Variants in ZBTB7C observed in about 807,000 individuals in gnomAD.
ZBTB7C encodes the protein zinc finger and BTB domain-containing protein 7C.
In ZBTB7C, 8 loss-of-function variants were observed where a neutral mutation model predicts 25.7. The observed-to-expected ratio is 0.31, with a 90% CI of 0.18 to 0.56. The LOEUF (loss-of-function observed/expected upper bound fraction) is 0.56. Ranked by LOEUF, ZBTB7C falls within the 20% of genes least tolerant of loss-of-function variation. ZBTB7C has a pLI of 0.91. For synonymous variants in ZBTB7C, 394 were observed against 369.0 expected (o/e 1.07, Z -0.78); for missense variants, 824 against 855.2 (o/e 0.96, Z 0.46).
chr18:48,281,545 T>G (rs964178107), intron 2 of ZBTB7C, among the ~76,000 whole-genome samples: 8 of 152,034 alleles, frequency 5.3e-5, no homozygotes, highest in African/African-American at 1.9e-4. Context: ...GGGAGAAAAT[T>G]TTTGCAACCT....
chr18:48,293,355 T>A (rs1199777636), intron 2 of ZBTB7C, among the ~76,000 whole-genome samples: 1 of 152,248 alleles, frequency 6.6e-6, no homozygotes, highest in African/African-American at 2.4e-5. Flanking sequence ...CATCTGACTC[T>A]ATTCACCTCT....
At chr18:48,391,318 T>A (rs2047898729) in intron 1 of ZBTB7C, among the ~76,000 whole-genome samples, 1 of 152,188 alleles carries the variant, frequency 6.6e-6, no homozygotes, top group African/African-American at 2.4e-5. Flanking sequence ...CATGAAGTTG[T>A]CAATGTTACT....
intron 3 of ZBTB7C, among the ~76,000 whole-genome samples, chr18:48,145,287 C>G (rs1318268076): frequency 6.6e-6 from 1 of 152,192 alleles, no homozygotes; most frequent in African/African-American, 2.4e-5. Context: ...CTGTCCCTTC[C>G]CATTGCTTTT....
intron 1 of ZBTB7C, among the ~76,000 whole-genome samples, chr18:48,402,060 A>G (rs2048170392): frequency 6.6e-6 from 1 of 152,036 alleles, no homozygotes; most frequent in African/African-American, 2.4e-5. Flanking sequence ...AGAATTCTAT[A>G]TTTTATTCAC....
intron 2 of ZBTB7C, among the ~76,000 whole-genome samples, chr18:48,277,383 A>C (rs951807581): frequency 6.6e-6 from 1 of 151,708 alleles, no homozygotes; most frequent in Non-Finnish European, 1.5e-5. Context: ...GCAGCCAAAA[A>C]ACACATGAAA....
chr18:48,339,829 G>A (rs943785729), intron 1 of ZBTB7C, among the ~76,000 whole-genome samples: 1 of 152,122 alleles, frequency 6.6e-6, no homozygotes, highest in Admixed American at 6.5e-5. Context: ...AGAATGTGGA[G>A]GCTCCTAGTT....
chr18:48,321,064 T>C (rs1337704114), intron 2 of ZBTB7C, among the ~76,000 whole-genome samples: 1 of 152,246 alleles, frequency 6.6e-6, no homozygotes, highest in Non-Finnish European at 1.5e-5. Context: ...CTAGAGAAAT[T>C]CATAAATTAT....
intron 2 of ZBTB7C, among the ~76,000 whole-genome samples, chr18:48,325,427 G>A (rs1050514385): frequency 2.0e-5 from 3 of 152,166 alleles, no homozygotes; most frequent in South Asian, 2.1e-4. Flanking sequence ...TAAATCACAG[G>A]GCTAATATGA....
chr18:48,034,263 C>T lies in ZBTB7C; in HGVS notation c.1209-4352G>A, dbSNP rs113235814. On this transcript the variant is annotated intron_variant, in intron 4 of 4. Transcript: ENST00000590800. ...TCACTGCCATCTCCTCTGCCAGCTT[C>T]CTGCCTGCCCCCCATGGTACGCTGC... 2.0e-3 allele frequency among the ~76,000 whole-genome samples: 306 copies of T among 152,228 alleles called. 4 individuals are homozygous for T. The highest frequency in any genetic ancestry group is 7.1e-3 in the African/African-American group (295 of 41,526).
intron 2 of ZBTB7C, among the ~76,000 whole-genome samples, chr18:48,208,951 T>C (rs984381733): frequency 2.0e-5 from 3 of 152,244 alleles, no homozygotes; most frequent in Non-Finnish European, 4.4e-5. Flanking sequence ...TGCTCACTGT[T>C]GCTGTACTCC....
chr18:48,397,142 G>A (rs2048046561), intron 1 of ZBTB7C, among the ~76,000 whole-genome samples: 1 of 152,168 alleles, frequency 6.6e-6, no homozygotes, highest in Non-Finnish European at 1.5e-5. Flanking sequence ...TATTGTTTAA[G>A]GCTAAAATGG....
chr18:48,179,933 GCTTC>G (rs1195377699), intron 3 of ZBTB7C, among the ~76,000 whole-genome samples: 5 of 18,980 alleles, frequency 2.6e-4, no homozygotes, highest in Non-Finnish European at 4.7e-4. Flanking sequence ...TTCCTTCCCT[GCTTC>G]CTTCCTTCCT....
intron 1 of ZBTB7C, among the ~76,000 whole-genome samples, chr18:48,374,919 T>C (rs904332279): frequency 6.6e-6 from 1 of 151,994 alleles, no homozygotes; most frequent in African/African-American, 2.4e-5. Context: ...TGGAAGAGAG[T>C]TCATACTGGC....
In ZBTB7C at chr18:48,040,517, C is replaced by T. The variant is rs1196108750; in HGVS notation, c.591G>A (p.Glu197=). 6.2e-6 allele frequency: 10 copies of T among 1,613,758 alleles called. No individual in the cohort carries two copies. The highest frequency in any genetic ancestry group is 1.3e-5 in the African/African-American group (1 of 74,878). ...CCCTGGGGGTGTCTGAATAGGCCTTCTCTGTGAGATGGTCTGTCTTGGAAG... is the reference window on the plus strand; with the variant it reads ...CCCTGGGGGTGTCTGAATAGGCCTTTTCTGTGAGATGGTCTGTCTTGGAAG... The part of the protein sequence containing the change: ...QSPSKTDHLT[E]KAYSDTPRDF... The change falls in exon 4 of 5, where the codon GAG becomes GAA. Residue 197 remains glutamate, a synonymous_variant. Transcript: ENST00000590800.
At chr18:48,273,034 G>C (rs998453006) in intron 2 of ZBTB7C, among the ~76,000 whole-genome samples, 9 of 152,138 alleles carry the variant, frequency 5.9e-5, no homozygotes, top group Non-Finnish European at 1.2e-4. Flanking sequence ...ATGGGTGTAG[G>C]TTTTCTCTTG....
chr18:48,375,183 C>A (rs564132100), intron 1 of ZBTB7C, among the ~76,000 whole-genome samples: 1 of 152,338 alleles, frequency 6.6e-6, no homozygotes, highest in Non-Finnish European at 1.5e-5. Flanking sequence ...GTCTTTTGTG[C>A]CCTTGGGCTC....
At chr18:48,198,523 T>C (rs2042367242) in intron 2 of ZBTB7C, among the ~76,000 whole-genome samples, 1 of 152,186 alleles carries the variant, frequency 6.6e-6, no homozygotes, top group Non-Finnish European at 1.5e-5. Context: ...AATTGTTTCC[T>C]TGACGTGTCC....
intron 3 of ZBTB7C, among the ~76,000 whole-genome samples, chr18:48,041,976 T>C (rs1381632115): frequency 6.6e-6 from 1 of 152,202 alleles, no homozygotes; most frequent in Non-Finnish European, 1.5e-5. Flanking sequence ...TCATTGTATA[T>C]GTTATACATA....
At chr18:48,280,513 C>T (rs956728973) in intron 2 of ZBTB7C, among the ~76,000 whole-genome samples, 2 of 152,142 alleles carry the variant, frequency 1.3e-5, no homozygotes, top group Non-Finnish European at 2.9e-5. Flanking sequence ...TGCCCCAACC[C>T]GTATCAACAC....
Sources: allele counts gnomAD v4.1 joint callset (sites outside exome capture counted in the v4.1 genomes callset), GRCh38; gene constraint gnomAD v4.1.1; transcripts MANE v1.5; gene names NCBI Gene and HGNC (gene_info 2026-07-23, HGNC 2026-07-21).